Variants in CUL3 observed in about 807,000 individuals in gnomAD.
CUL3 encodes the protein cullin 3, also known as cullin-3.
CUL3 carries 19 observed loss-of-function variants against 89.1 expected under a neutral mutation model. That is an observed-to-expected ratio of 0.21 (90% CI 0.15 to 0.31). The LOEUF (loss-of-function observed/expected upper bound fraction) is 0.31, where lower values mean the gene tolerates loss of function less well. Ranked by LOEUF, CUL3 falls within the 10% of genes least tolerant of loss-of-function variation. The pLI is 1.00. For synonymous variants in CUL3, 351 were observed against 308.4 expected, an observed-to-expected ratio of 1.14 and a Z score of -1.45; for missense variants, 469 against 942.3, an observed-to-expected ratio of 0.50 and a Z score of 6.58.
chr2:224,533,362 T>C (rs77355829), intron 3 of CUL3, among the ~76,000 whole-genome samples: 1 of 152,250 alleles, frequency 6.6e-6, no homozygotes, highest in East Asian at 1.9e-4. Context: ...CTACCCAATA[T>C]TATTTTCATT....
intron 2 of CUL3, among the ~76,000 whole-genome samples, chr2:224,550,717 T>G (rs1694481653): frequency 6.6e-6 from 1 of 152,158 alleles, no homozygotes; most frequent in African/African-American, 2.4e-5. Context: ...ATCCAAAATA[T>G]ATCTTGTATT....
intron 2 of CUL3, among the ~76,000 whole-genome samples, chr2:224,547,557 A>T (rs1443965796): frequency 6.6e-6 from 1 of 152,064 alleles, no homozygotes; most frequent in Admixed American, 6.5e-5. Context: ...CCTCGCTAAA[A>T]TTATGGGATT....
intron 1 of CUL3, among the ~76,000 whole-genome samples, chr2:224,571,684 T>C (rs1368937710): frequency 1.3e-5 from 2 of 152,130 alleles, no homozygotes; most frequent in Non-Finnish European, 2.9e-5. Flanking sequence ...CACAGCTAAC[T>C]TTCCCACTGC....
chr2:224,566,384 T>C (rs979271141), intron 1 of CUL3, among the ~76,000 whole-genome samples: 3 of 152,238 alleles, frequency 2.0e-5, no homozygotes, highest in Admixed American at 6.5e-5. Flanking sequence ...AAGTCAGCCA[T>C]GATCAAAAAC....
At chr2:224,484,984 G>C (rs1691663202) in intron 13 of CUL3, among the ~76,000 whole-genome samples, 1 of 152,148 alleles carries the variant, frequency 6.6e-6, no homozygotes, top group South Asian at 2.1e-4. Flanking sequence ...CACAGAGGGT[G>C]AGCAGAAGCA....
intron 1 of CUL3, among the ~76,000 whole-genome samples, chr2:224,583,498 A>G (rs1403743061): frequency 6.6e-6 from 1 of 152,248 alleles, no homozygotes; most frequent in Non-Finnish European, 1.5e-5. Context: ...GCCCAATTAT[A>G]AGGGAAAACA....
rs1316879471 is a variant in CUL3 at position 224,557,860 on chromosome 2, T to C, written c.67-4A>G. 1.7e-5 allele frequency: 11 copies of C among 660,550 alleles called. No individual in the cohort carries two copies. Among genetic ancestry groups the C allele is most frequent in the Non-Finnish European group, 2.5e-5 (11 of 440,882 alleles). The allele number at this position is 660,550 out of a possible 1,614,324, so 40.9% of individuals were successfully genotyped here. ...CATATTTTTCATCCATGGTCATCTGTAATATCCAAGAGAGAGAAGAGACAA... is the reference window on the plus strand; with the variant it reads ...CATATTTTTCATCCATGGTCATCTGCAATATCCAAGAGAGAGAAGAGACAA... On this transcript the variant is annotated splice_polypyrimidine_tract_variant and splice_region_variant and intron_variant, in intron 1 of 15. Coordinates refer to ENST00000264414, the MANE Select transcript of CUL3 (RefSeq NM_003590.5).
chr2:224,580,752 G>T (rs1574711614), intron 1 of CUL3, among the ~76,000 whole-genome samples: 1 of 151,958 alleles, frequency 6.6e-6, no homozygotes, highest in African/African-American at 2.4e-5. Flanking sequence ...AATTTATCTG[G>T]AGTAGTATCT....
intron 1 of CUL3, among the ~76,000 whole-genome samples, chr2:224,558,466 CTAT>C (rs763257731): frequency 2.0e-5 from 3 of 152,148 alleles, no homozygotes; most frequent in Non-Finnish European, 4.4e-5. Flanking sequence ...CGATGAGACA[CTAT>C]ACAAATTCCC....
chr2:224,499,868 CA>C (rs570350254), intron 11 of CUL3: 21 of 170,458 alleles, frequency 1.2e-4, no homozygotes, highest in South Asian at 3.0e-4. Flanking sequence ...TTCAGCAGCC[CA>C]AAAAAAATAT....
chr2:224,567,565 C>A (rs1356424270), intron 1 of CUL3, among the ~76,000 whole-genome samples: 1 of 151,914 alleles, frequency 6.6e-6, no homozygotes, highest in African/African-American at 2.4e-5. Context: ...CGGTGAAACC[C>A]CATCCCTACT....
intron 1 of CUL3, among the ~76,000 whole-genome samples, chr2:224,576,969 G>C (rs1466069206): frequency 1.3e-5 from 2 of 152,146 alleles, no homozygotes; most frequent in South Asian, 2.1e-4. Flanking sequence ...TGCTTTCTTA[G>C]AACGATTCAC....
At chr2:224,537,925 T>C (rs1693954101) in intron 2 of CUL3, among the ~76,000 whole-genome samples, 1 of 152,158 alleles carries the variant, frequency 6.6e-6, no homozygotes, top group East Asian at 1.9e-4. Flanking sequence ...TTCTTTCAAA[T>C]CACTGATTTG....
intron 1 of CUL3, among the ~76,000 whole-genome samples, chr2:224,558,181 C>G (rs1169110357): frequency 2.0e-5 from 3 of 152,238 alleles, no homozygotes; most frequent in African/African-American, 7.2e-5. Flanking sequence ...CTCTCTCCCA[C>G]CAAAATACTT....
intron 13 of CUL3, among the ~76,000 whole-genome samples, chr2:224,483,408 T>A (rs1042797427): frequency 2.0e-5 from 3 of 152,150 alleles, no homozygotes; most frequent in Non-Finnish European, 4.4e-5. Context: ...CCTAAAGTCA[T>A]AAGGTTGTAT....
intron 15 of CUL3, among the ~76,000 whole-genome samples, chr2:224,476,055 G>C (rs368071870): frequency 8.6e-4 from 130 of 151,176 alleles, no homozygotes; most frequent in African/African-American, 3.0e-3. Flanking sequence ...ATGGAGTCTC[G>C]CTCTGTCGCC....
At chr2:224,555,410 C>A (rs1220447338) in intron 2 of CUL3, among the ~76,000 whole-genome samples, 1 of 152,102 alleles carries the variant, frequency 6.6e-6, no homozygotes, top group Non-Finnish European at 1.5e-5. Context: ...ATTTTATAAA[C>A]CTCCTCTCAA....
chr2:224,523,226 C>G (rs139060819), intron 3 of CUL3, among the ~76,000 whole-genome samples: 1 of 152,294 alleles, frequency 6.6e-6, no homozygotes, highest in Non-Finnish European at 1.5e-5. Context: ...TAGTATCTGT[C>G]TCAGTTGCCT....
At chr2:224,584,615 G>A (rs1206444641) in intron 1 of CUL3, among the ~76,000 whole-genome samples, 3 of 151,884 alleles carry the variant, frequency 2.0e-5, no homozygotes, top group African/African-American at 7.2e-5. Context: ...GCCGGAGACT[G>A]GGCCTACAAC....
Sources: allele counts gnomAD v4.1 joint callset (sites outside exome capture counted in the v4.1 genomes callset), GRCh38; gene constraint gnomAD v4.1.1; transcripts MANE v1.5; gene names NCBI Gene and HGNC (gene_info 2026-07-23, HGNC 2026-07-21).